The following LHPP variants were observed in gnomAD, a reference collection of about 807,000 sequenced individuals.
LHPP encodes the protein hLHPP.
LHPP carries 24 observed loss-of-function variants against 30.3 expected under a neutral mutation model. That is an observed-to-expected ratio of 0.79 (90% CI 0.57 to 1.11). The LOEUF is 1.11. Ranked by LOEUF, LHPP falls within the 50% of genes most tolerant of loss-of-function variation. The probability of loss-of-function intolerance (pLI) is 0.00; values close to 1 mark genes in which losing one functional copy is unlikely to be tolerated. For synonymous variants in LHPP, 150 were observed against 157.1 expected, an observed-to-expected ratio of 0.95 and a Z score of 0.34; for missense variants, 356 against 367.2, an observed-to-expected ratio of 0.97 and a Z score of 0.25.
intron 6 of LHPP, among the ~76,000 whole-genome samples, chr10:124,561,153 G>A (rs1257159015): frequency 6.6e-6 from 1 of 152,160 alleles, no homozygotes; most frequent in African/African-American, 2.4e-5. Context: ...CTGGCTGAAG[G>A]ACCAAGCCAG....
intron 5 of LHPP, 177 bp downstream of exon 5, chr10:124,498,305 A>G (rs1192755511): frequency 3.0e-5 from 48 of 1,579,022 alleles, no homozygotes; most frequent in Non-Finnish European, 4.0e-5. Context: ...AACGAAATCC[A>G]CTGAATAGTT....
At position 124,613,488 on chromosome 10, in the gene LHPP, CCCTGCCTCCCCTCCA is replaced by C. The variant is rs1949231309; in HGVS notation, c.*135_*149del. On this transcript the variant is annotated 3_prime_UTR_variant, in exon 7 of 7. Coordinates refer to ENST00000368842, the MANE Select transcript of LHPP (RefSeq NM_022126.4). ...TCCTCCACCCCTGCCTCTCCTCCAC[CCCTGCCTCCCCTCCA>C]CCTGCCCCAGTGCCCAGACCAACCA... 2 of 676,384 alleles carry C rather than the reference CCCTGCCTCCCCTCCA, an allele frequency of 3.0e-6. No homozygotes were observed. The highest frequency in any genetic ancestry group is 2.1e-5 in the Admixed American group (1 of 48,058). 41.9% of individuals were successfully genotyped at this position (676,384 alleles called of 1,614,324 possible).
At chr10:124,594,066 G>A (rs1452688395) in intron 6 of LHPP, among the ~76,000 whole-genome samples, 1 of 152,160 alleles carries the variant, frequency 6.6e-6, no homozygotes, top group Non-Finnish European at 1.5e-5. Flanking sequence ...CCGGACGTGG[G>A]GGGCTCCCAC....
chr10:124,472,893 A>G (rs2133824856), intron 1 of LHPP, among the ~76,000 whole-genome samples: 1 of 152,290 alleles, frequency 6.6e-6, no homozygotes, highest in East Asian at 1.9e-4. Flanking sequence ...AACAAAGGAA[A>G]CACAACCACC....
intron 6 of LHPP, among the ~76,000 whole-genome samples, chr10:124,595,540 T>C (rs564917473): frequency 6.6e-6 from 1 of 152,362 alleles, no homozygotes; most frequent in Non-Finnish European, 1.5e-5. Flanking sequence ...TATCTGCTTC[T>C]GTGTTAACCT....
At chr10:124,493,867 T>G (rs1445786947) in intron 3 of LHPP, 1 of 152,296 alleles carries the variant, frequency 6.6e-6, no homozygotes, top group African/African-American at 2.4e-5. Context: ...AAAAAAAATT[T>G]TAAGTGCTTA....
intron 1 of LHPP, among the ~76,000 whole-genome samples, chr10:124,483,718 C>T (rs747498088): frequency 3.3e-5 from 5 of 152,048 alleles, no homozygotes; most frequent in Non-Finnish European, 7.4e-5. Context: ...GATCATGCCA[C>T]TGCACTCCAG....
intron 6 of LHPP, among the ~76,000 whole-genome samples, chr10:124,565,482 G>A (rs1948472366): frequency 6.6e-6 from 1 of 152,080 alleles, no homozygotes; most frequent in South Asian, 2.1e-4. Flanking sequence ...CCATGGAGCT[G>A]GGGTTCCAGA....
chr10:124,506,914 T>C (rs116964359), intron 5 of LHPP, among the ~76,000 whole-genome samples: 2 of 5,330 alleles, frequency 3.8e-4, no homozygotes, highest in South Asian at 7.8e-3. Context: ...GATTTCAGGT[T>C]GGGGGGTAGA....
chr10:124,538,189 G>A (rs28729225), intron 6 of LHPP, among the ~76,000 whole-genome samples: 16,630 of 149,102 alleles, frequency 0.11, 1,333 homozygotes, highest in Non-Finnish European at 0.15. Context: ...GTCACCATGC[G>A]GGGTCACCAT....
At chr10:124,560,676 C>T (rs752819060) in intron 6 of LHPP, among the ~76,000 whole-genome samples, 9 of 152,146 alleles carry the variant, frequency 5.9e-5, no homozygotes, top group Non-Finnish European at 1.0e-4. Context: ...GGGCACTAGC[C>T]GGGGACGAGG....
At chr10:124,601,363 G>T (rs942015) in intron 6 of LHPP, among the ~76,000 whole-genome samples, 90,838 of 152,100 alleles carry the variant, frequency 0.6, 27,323 homozygotes, top group East Asian at 0.68. Flanking sequence ...CAGCTCCTAG[G>T]TTTGAAAAGT....
In LHPP at chr10:124,471,751, GTA is replaced by G. The variant is rs1209965780; in HGVS notation, c.125+9776_125+9777del. ...TATATATATATTTGTATATATATTT[GTA>G]TATATATATATTTATATATAAATAT... On this transcript the variant is annotated intron_variant, in intron 1 of 6. Coordinates refer to ENST00000368842, the MANE Select transcript of LHPP (RefSeq NM_022126.4). Among the ~76,000 whole-genome samples, 11 of 102,018 alleles carry G rather than the reference GTA, an allele frequency of 1.1e-4. 1 individual carries two copies. The highest frequency in any genetic ancestry group is 6.2e-4 in the South Asian group (2 of 3,232). 66.9% of individuals were successfully genotyped at this position (102,018 alleles called of 152,430 possible). A position where few individuals can be genotyped will look rare whatever the true frequency, so the allele number is the denominator to read the frequency against.
chr10:124,498,822 C>A (rs1254989106), intron 5 of LHPP: 2 of 377,784 alleles, frequency 5.3e-6, no homozygotes, highest in Non-Finnish European at 1.0e-5. Context: ...CCAGGCCCCC[C>A]CCCCGCCAAC....
At chr10:124,482,584 G>A (rs1304117311) in intron 1 of LHPP, among the ~76,000 whole-genome samples, 1 of 152,060 alleles carries the variant, frequency 6.6e-6, no homozygotes. Context: ...TTGTGATCTT[G>A]GCGAGGGAGC....
At chr10:124,497,964 G>A (rs897503726) in intron 4 of LHPP, 72 bp from the exon 5 acceptor site, 2 of 1,218,026 alleles carry the variant, frequency 1.6e-6, no homozygotes, top group Non-Finnish European at 2.4e-6. Context: ...ATTTGGGACA[G>A]TGTTTCCGTG....
chr10:124,587,024 C>CTT (rs57728201), intron 6 of LHPP, among the ~76,000 whole-genome samples: 74 of 120,694 alleles, frequency 6.1e-4, no homozygotes, highest in Middle Eastern at 4.7e-3. Context: ...GTGCTTGCTA[C>CTT]TTTTTTTTTT....
intron 5 of LHPP, among the ~76,000 whole-genome samples, chr10:124,506,598 C>T (rs1325947150): frequency 6.7e-6 from 1 of 149,772 alleles, no homozygotes. Context: ...TTGCCATAGC[C>T]CAACTCTCAG....
chr10:124,484,694 G>C (rs1024646064), intron 2 of LHPP, among the ~76,000 whole-genome samples: 22 of 151,794 alleles, frequency 1.4e-4, no homozygotes, highest in African/African-American at 5.3e-4. Context: ...GAGAGAGAGA[G>C]AGAAAATGAG....
Sources: allele counts gnomAD v4.1 joint callset (sites outside exome capture counted in the v4.1 genomes callset), GRCh38; gene constraint gnomAD v4.1.1; transcripts MANE v1.5; gene names NCBI Gene and HGNC (gene_info 2026-07-23, HGNC 2026-07-21).